G3BP2: variants seen among roughly 807,000 people sequenced by gnomAD.
The protein encoded by G3BP2 is ras GTPase-activating protein-binding protein 2.
In G3BP2, 11 loss-of-function variants were observed where a neutral mutation model predicts 56.7. That is an observed-to-expected ratio of 0.19 (90% confidence interval 0.12 to 0.32). G3BP2 has a LOEUF of 0.32. Among genes scored for constraint, G3BP2 ranks in the 10% least tolerant of loss-of-function variants. The pLI is 1.00. For synonymous variants in G3BP2, 165 were observed against 191.6 expected, an observed-to-expected ratio of 0.86 and a Z score of 1.15; for missense variants, 340 against 610.9, an observed-to-expected ratio of 0.56 and a Z score of 4.67.
At chr4:75,693,168 T>C (rs887350255) in intron 3 of G3BP2, among the ~76,000 whole-genome samples, 8 of 151,746 alleles carry the variant, frequency 5.3e-5, no homozygotes, top group Non-Finnish European at 8.8e-5. Context: ...CACTTGAACC[T>C]GGGAGGTGGA....
At chr4:75,688,365 C>T (rs1469773105) in intron 3 of G3BP2, among the ~76,000 whole-genome samples, 1 of 152,084 alleles carries the variant, frequency 6.6e-6, no homozygotes, top group Non-Finnish European at 1.5e-5. Context: ...GATAGAGGTT[C>T]GGCACAACAT....
At chr4:75,711,736 A>T (rs1207953805) in intron 3 of G3BP2, among the ~76,000 whole-genome samples, 1 of 152,012 alleles carries the variant, frequency 6.6e-6, no homozygotes, top group East Asian at 1.9e-4. Context: ...ATATAATATA[A>T]TATAAAGGAA....
intron 1 of G3BP2, among the ~76,000 whole-genome samples, chr4:75,671,500 C>G (rs1297059323): frequency 2.0e-5 from 3 of 152,166 alleles, no homozygotes; most frequent in Admixed American, 2.0e-4. Context: ...ACGAAATGGT[C>G]AAATAATGTG....
At chr4:75,655,526 G>A (rs147977584) in intron 6 of G3BP2, among the ~76,000 whole-genome samples, 33 of 152,222 alleles carry the variant, frequency 2.2e-4, no homozygotes, top group African/African-American at 7.2e-4. Flanking sequence ...TGCTTACTCT[G>A]TGTTGTCTTC....
At chr4:75,691,587 AC>A (rs544683022) in intron 3 of G3BP2, among the ~76,000 whole-genome samples, 48 of 152,176 alleles carry the variant, frequency 3.2e-4, no homozygotes, top group Admixed American at 5.2e-4. Flanking sequence ...CCCACCCCCG[AC>A]CTCCACCTAT....
At chr4:75,650,805 T>C (rs1033265629) in intron 8 of G3BP2, among the ~76,000 whole-genome samples, 1 of 152,038 alleles carries the variant, frequency 6.6e-6, no homozygotes, top group East Asian at 1.9e-4. Context: ...TAGGCTCAAG[T>C]GATCCTCCTG....
intron 3 of G3BP2, among the ~76,000 whole-genome samples, chr4:75,700,980 A>G (rs11097075): frequency 0.55 from 83,939 of 151,498 alleles, 24,271 homozygotes; most frequent in East Asian, 0.81. Flanking sequence ...CTGGGATTAC[A>G]GGCATGCACC....
intron 10 of G3BP2, 58 bp downstream of exon 10, chr4:75,646,971 T>G (rs562870727): frequency 2.8e-6 from 3 of 1,085,080 alleles, no homozygotes; most frequent in African/African-American, 3.2e-5. Context: ...AAGCTCCATA[T>G]GCCTCTTGCT....
intron 8 of G3BP2, among the ~76,000 whole-genome samples, chr4:75,650,295 G>A (rs533435744): frequency 3.3e-5 from 5 of 151,936 alleles, no homozygotes; most frequent in African/African-American, 1.2e-4. Context: ...TCAGCCGGGT[G>A]TGGTGGCACA....
chr4:75,718,216 G>A (rs976279112), intron 3 of G3BP2, among the ~76,000 whole-genome samples: 2 of 131,306 alleles, frequency 1.5e-5, no homozygotes, highest in Non-Finnish European at 3.1e-5. Flanking sequence ...TCCTAATTTA[G>A]GTGTTTCTTC....
At chr4:75,714,056 C>T (rs1050354481) in intron 3 of G3BP2, among the ~76,000 whole-genome samples, 5 of 152,158 alleles carry the variant, frequency 3.3e-5, no homozygotes, top group Admixed American at 6.5e-5. Context: ...GACATCTAAA[C>T]ACAACATATA....
intron 3 of G3BP2, among the ~76,000 whole-genome samples, chr4:75,690,370 TG>T (rs908533233): frequency 1.3e-5 from 2 of 150,782 alleles, no homozygotes; most frequent in Admixed American, 1.3e-4. Flanking sequence ...AGGCAGAGGT[TG>T]CAGTGAGCCA....
At position 75,665,670 on chromosome 4, in the gene G3BP2, C is replaced by T. The variant is rs889929536; in HGVS notation, c.-24-3621G>A. Among the ~76,000 whole-genome samples the T allele has an allele frequency of 2.6e-3, 399 of 151,586 alleles. 1 individual carries two copies. The highest frequency in any genetic ancestry group is 4.4e-3 in the Non-Finnish European group (301 of 67,814). On this transcript the variant is annotated intron_variant, in intron 1 of 11. Transcript: ENST00000359707. ...ACACACAAACAAACACACACACACA[C>T]ACACACACACACACAGCTAAGCAAC...
intron 9 of G3BP2, among the ~76,000 whole-genome samples, chr4:75,648,328 C>G (rs1291180461): frequency 7.7e-6 from 1 of 130,590 alleles, no homozygotes; most frequent in Non-Finnish European, 1.6e-5. Context: ...AGCCTGGCGA[C>G]AGAGCAAGAC....
intron 3 of G3BP2, among the ~76,000 whole-genome samples, chr4:75,697,608 GA>G (rs987785897): frequency 2.0e-5 from 3 of 152,096 alleles, no homozygotes; most frequent in Non-Finnish European, 4.4e-5. Context: ...GCAGCTAACA[GA>G]AAAAAATGTC....
chr4:75,670,300 C>G (rs1733384618), intron 1 of G3BP2: 2 of 152,208 alleles, frequency 1.3e-5, no homozygotes, highest in Admixed American at 6.5e-5. Context: ...AATACTGGAA[C>G]TTTCTGAAAT....
chr4:75,697,270 T>G, intron 3 of G3BP2, among the ~76,000 whole-genome samples: 1 of 34,154 alleles, frequency 2.9e-5, no homozygotes, highest in Admixed American at 6.5e-4. Context: ...CGAGACTCTG[T>G]CTCAAAAAAA....
At chr4:75,710,716 G>C (rs1355774823) in intron 3 of G3BP2, among the ~76,000 whole-genome samples, 1 of 152,078 alleles carries the variant, frequency 6.6e-6, no homozygotes, top group East Asian at 1.9e-4. Flanking sequence ...GCCCAGGCTA[G>C]AGTGCAGTAG....
chr4:75,682,414 CAAA>C (rs34067467), intron 3 of G3BP2, among the ~76,000 whole-genome samples: 37 of 100,246 alleles, frequency 3.7e-4, no homozygotes, highest in African/African-American at 7.8e-4. Context: ...GACTCCGTCT[CAAA>C]AAAAAAAAAA....
Sources: gnomAD v4.1 joint callset for allele counts (sites outside exome capture counted in the v4.1 genomes callset) on GRCh38, gnomAD v4.1.1 for gene constraint, MANE v1.5 for transcripts, NCBI Gene and HGNC (gene_info 2026-07-23, HGNC 2026-07-21) for gene names.